The following PDE10A variants were observed in gnomAD, a reference collection of about 807,000 sequenced individuals.
PDE10A encodes the protein cAMP and cAMP-inhibited cGMP 3',5'-cyclic phosphodiesterase 10A.
A neutral mutation model predicts 97.7 loss-of-function variants in PDE10A; 39 were observed. The observed-to-expected ratio is 0.40, with a 90% CI of 0.31 to 0.52. The LOEUF is 0.52. PDE10A is among the 20% of genes least tolerant of loss of function. The pLI, the probability that PDE10A is intolerant of heterozygous loss-of-function variation, is 0.56. For synonymous variants in PDE10A, 371 were observed against 376.8 expected, an observed-to-expected ratio of 0.98 and a Z score of 0.18; for missense variants, 731 against 1,047.8, an observed-to-expected ratio of 0.70 and a Z score of 4.17.
chr6:165,632,134 A>C (rs916555375), intron 1 of PDE10A, among the ~76,000 whole-genome samples: 1 of 132,906 alleles, frequency 7.5e-6, no homozygotes, highest in Non-Finnish European at 1.6e-5. Flanking sequence ...CAGGAGGCGG[A>C]GGTTGCAGTG....
intron 1 of PDE10A, among the ~76,000 whole-genome samples, chr6:165,707,535 A>C (rs370718136): frequency 6.6e-6 from 1 of 152,286 alleles, no homozygotes; most frequent in South Asian, 2.1e-4. Context: ...CAATTGTGTG[A>C]GGACATTTTC....
intron 1 of PDE10A, among the ~76,000 whole-genome samples, chr6:165,855,759 C>T (rs1239417306): frequency 6.6e-6 from 1 of 152,002 alleles, no homozygotes; most frequent in Admixed American, 6.6e-5. Flanking sequence ...ACGGGTGAGC[C>T]TTTGCAATTT....
At chr6:165,532,475 C>T (rs1782839910) in intron 2 of PDE10A, among the ~76,000 whole-genome samples, 1 of 151,856 alleles carries the variant, frequency 6.6e-6, no homozygotes, top group African/African-American at 2.4e-5. Context: ...AAGGAAAGGG[C>T]AATGTACAAT....
intron 1 of PDE10A, among the ~76,000 whole-genome samples, chr6:165,723,929 G>A (rs755763303): frequency 4.6e-5 from 7 of 151,920 alleles, no homozygotes; most frequent in Admixed American, 1.3e-4. Flanking sequence ...TGCTGAAAAA[G>A]TAAAAAGCTG....
intron 1 of PDE10A, among the ~76,000 whole-genome samples, chr6:165,834,549 G>A (rs965734243): frequency 5.3e-5 from 8 of 152,174 alleles, no homozygotes; most frequent in African/African-American, 1.9e-4. Context: ...GCAGGGGCTT[G>A]GAAGGCACAG....
intron 1 of PDE10A, among the ~76,000 whole-genome samples, chr6:165,897,644 C>A (rs937609098): frequency 2.0e-5 from 3 of 151,558 alleles, no homozygotes; most frequent in African/African-American, 7.3e-5. Context: ...GCCCCCCCAC[C>A]TCCAGGCTTC....
chr6:165,705,149 G>A (rs779234894), intron 1 of PDE10A, among the ~76,000 whole-genome samples: 9 of 152,256 alleles, frequency 5.9e-5, no homozygotes, highest in Non-Finnish European at 1.0e-4. Flanking sequence ...CCTGGATGGG[G>A]CAGGGCTCAC....
chr6:165,919,606 T>C (rs1324107755), intron 1 of PDE10A, among the ~76,000 whole-genome samples: 2 of 152,226 alleles, frequency 1.3e-5, no homozygotes, highest in African/African-American at 4.8e-5. Flanking sequence ...CTTTCCTTTC[T>C]TTTTCTATTT....
At chr6:165,944,629 C>G (rs1450029699) in intron 1 of PDE10A, among the ~76,000 whole-genome samples, 1 of 152,134 alleles carries the variant, frequency 6.6e-6, no homozygotes, top group Non-Finnish European at 1.5e-5. Flanking sequence ...GTGTCCCTAA[C>G]CCCATTTTCC....
At chr6:165,421,592 C>T (rs1788696222) in intron 10 of PDE10A, among the ~76,000 whole-genome samples, 1 of 152,062 alleles carries the variant, frequency 6.6e-6, no homozygotes, top group Non-Finnish European at 1.5e-5. Context: ...AAATCGCTGC[C>T]TTAAGATATT....
At chr6:165,983,346 A>G (rs774940365) in intron 1 of PDE10A, among the ~76,000 whole-genome samples, 3 of 152,196 alleles carry the variant, frequency 2.0e-5, no homozygotes, top group Non-Finnish European at 4.4e-5. Flanking sequence ...AGGAAGTATC[A>G]GCACAGGACC....
At chr6:165,728,309 AATC>A (rs1792347204) in intron 1 of PDE10A, among the ~76,000 whole-genome samples, 1 of 152,182 alleles carries the variant, frequency 6.6e-6, no homozygotes, top group Non-Finnish European at 1.5e-5. Context: ...GAAACATGCA[AATC>A]ATCATCATGC....
intron 1 of PDE10A, among the ~76,000 whole-genome samples, chr6:165,748,955 G>C (rs558713931): frequency 6.6e-6 from 1 of 152,212 alleles, no homozygotes; most frequent in African/African-American, 2.4e-5. Flanking sequence ...TGCAATTTGA[G>C]CAAGTTAACC....
intron 1 of PDE10A, among the ~76,000 whole-genome samples, chr6:165,794,093 T>C (rs1251955636): frequency 4.0e-5 from 6 of 150,302 alleles, no homozygotes; most frequent in African/African-American, 1.5e-4. Context: ...TTTATTGTGA[T>C]GCAACATGGT....
chr6:165,568,676 G>A (rs1784910311), intron 1 of PDE10A, among the ~76,000 whole-genome samples: 1 of 152,056 alleles, frequency 6.6e-6, no homozygotes, highest in African/African-American at 2.4e-5. Context: ...TAGTGATGCT[G>A]GCAATTCAGA....
At chr6:165,647,080 C>G (rs1057332007) in intron 1 of PDE10A, among the ~76,000 whole-genome samples, 2 of 152,164 alleles carry the variant, frequency 1.3e-5, no homozygotes, top group African/African-American at 4.8e-5. Flanking sequence ...CACCTTTCTT[C>G]AAGTTAGAGT....
intron 1 of PDE10A, among the ~76,000 whole-genome samples, chr6:165,805,579 T>A (rs1182157972): frequency 6.6e-6 from 1 of 151,836 alleles, no homozygotes; most frequent in Non-Finnish European, 1.5e-5. Context: ...TCCCCGACCC[T>A]CGGCCTCCTT....
chr6:165,362,945 G>A (rs77873793), intron 18 of PDE10A, among the ~76,000 whole-genome samples: 164 of 152,098 alleles, frequency 1.1e-3, no homozygotes, highest in African/African-American at 3.8e-3. Flanking sequence ...CTTACTAATA[G>A]AATAAATAAC....
chr6:165,623,251 G>A (rs1327547171), intron 1 of PDE10A, among the ~76,000 whole-genome samples: 2 of 148,642 alleles, frequency 1.3e-5, no homozygotes, highest in African/African-American at 5.2e-5. Flanking sequence ...TCAGCCTCCC[G>A]AGTAGCTGGG....
Sources: gnomAD v4.1 joint callset for allele counts (sites outside exome capture counted in the v4.1 genomes callset) on GRCh38, gnomAD v4.1.1 for gene constraint, MANE v1.5 for transcripts, NCBI Gene and HGNC (gene_info 2026-07-23, HGNC 2026-07-21) for gene names.